ELP4: variants seen among roughly 807,000 people sequenced by gnomAD.
ELP4 encodes elongator complex protein 4.
A neutral mutation model predicts 48.9 loss-of-function variants in ELP4; 51 were observed. The ratio of observed to expected loss-of-function variants is 1.04; its 90% CI spans 0.83 to 1.32. ELP4 has a LOEUF of 1.32. Among genes scored for constraint, ELP4 ranks in the 40% most tolerant of loss-of-function variants. ELP4 has a pLI of 0.00. For missense variants in ELP4, 519 were observed against 514.6 expected, an observed-to-expected ratio of 1.01 and a Z score of -0.08; for synonymous variants, 210 against 189.2, an observed-to-expected ratio of 1.11 and a Z score of -0.90.
chr11:31,516,148 A>G (rs990499757), intron 1 of ELP4, among the ~76,000 whole-genome samples: 2 of 152,066 alleles, frequency 1.3e-5, no homozygotes, highest in East Asian at 3.9e-4. Context: ...TGTCTGTCCC[A>G]GTGGAGGCCT....
chr11:31,584,208 A>C (rs1356435288), intron 3 of ELP4, among the ~76,000 whole-genome samples: 1 of 151,940 alleles, frequency 6.6e-6, no homozygotes, highest in Non-Finnish European at 1.5e-5. Context: ...TATTTATAAT[A>C]TTTTATTAAA....
chr11:31,558,686 T>C (rs1173723464), intron 3 of ELP4, among the ~76,000 whole-genome samples: 3 of 152,182 alleles, frequency 2.0e-5, no homozygotes, highest in Admixed American at 2.0e-4. Flanking sequence ...GCCTACCTTA[T>C]TCCGGAGTTC....
rs185343800 is a variant in ELP4 at position 31,743,379 on chromosome 11, G to C, written c.1144-40014G>C. Among the ~76,000 whole-genome samples, 35 of 152,256 alleles carry C rather than the reference G, an allele frequency of 2.3e-4. 1 individual carries two copies. The highest frequency in any genetic ancestry group is 7.9e-4 in the African/African-American group (33 of 41,536). On this transcript the variant is annotated intron_variant, in intron 9 of 9. Coordinates refer to ENST00000640961, the MANE Select transcript of ELP4 (RefSeq NM_019040.5). ...CAAGGATACCCAGGAATTGAACTCA[G>C]CTCTGCACCAAGTGGACCTAATAGA...
Position 31,785,700 on chromosome 11 carries a change from C to T in ELP4, c.*2176C>T, listed in dbSNP as rs548846660. 1.0e-5 allele frequency: 2 copies of T among 192,654 alleles called. No individual in the cohort carries two copies. The highest frequency in any genetic ancestry group is 8.2e-5 in the East Asian group (1 of 12,156). 11.9% of individuals were successfully genotyped at this position (192,654 alleles called of 1,614,324 possible). A position where few individuals can be genotyped will look rare whatever the true frequency, so the allele number is the denominator to read the frequency against. On this transcript the variant is annotated 3_prime_UTR_variant, in exon 10 of 10. Transcript: ENST00000640961. ...TATTTTTGTCTTCCTCTGATAAAAA[C>T]GCACTCTGAAAATGTGTTTTCCTTT...
chr11:31,771,524 A>G (rs972855806), intron 9 of ELP4, among the ~76,000 whole-genome samples: 3 of 152,194 alleles, frequency 2.0e-5, no homozygotes, highest in Non-Finnish European at 4.4e-5. Flanking sequence ...TACCACGCCA[A>G]ACTTCTCATA....
At chr11:31,706,887 T>A in intron 9 of ELP4, 1 of 395,592 alleles carries the variant, frequency 2.5e-6, no homozygotes, top group Non-Finnish European at 4.5e-6. Flanking sequence ...TCCAGTTCCA[T>A]CCACATTGCT....
intron 9 of ELP4, among the ~76,000 whole-genome samples, chr11:31,705,934 C>T (rs975974178): frequency 2.3e-4 from 35 of 152,066 alleles, no homozygotes; most frequent in East Asian, 3.9e-4. Flanking sequence ...CTCACTGTAA[C>T]CTCAAACTCC....
chr11:31,634,477 A>G (rs1297898200), intron 7 of ELP4, among the ~76,000 whole-genome samples: 2 of 152,042 alleles, frequency 1.3e-5, no homozygotes, highest in East Asian at 3.9e-4. Context: ...GAAAGAAAGA[A>G]AAGGGAAACA....
intron 3 of ELP4, among the ~76,000 whole-genome samples, chr11:31,587,754 T>C (rs1432870378): frequency 1.3e-5 from 2 of 152,140 alleles, no homozygotes; most frequent in Non-Finnish European, 2.9e-5. Flanking sequence ...TACTTAATGT[T>C]ACAATGATTG....
Position 31,632,326 on chromosome 11 carries a change from A to C in ELP4, c.848A>C (p.Lys283Thr), listed in dbSNP as rs775754434. 4 of 1,613,534 alleles carry C rather than the reference A, an allele frequency of 2.5e-6. No individual in the cohort carries two copies. The Admixed American group carries it at 6.7e-5, about 27-fold the overall frequency. Residue 283 changes from lysine to threonine, a missense_variant, in exon 7 of 10, where the codon AAG becomes ACG. Lys to Thr is a moderately conservative substitution (Grantham distance 78, BLOSUM62 -1). Coordinates refer to ENST00000640961, the MANE Select transcript of ELP4 (RefSeq NM_019040.5). ...GGTGGCAACAGTCACAGCCTTACCA[A>C]GTTCCTCTATGTTCTCCGTGGTCTT... ...ENGGNSHSLT[K>T]FLYVLRGLLR...
chr11:31,557,588 G>T (rs748491939), intron 3 of ELP4, among the ~76,000 whole-genome samples: 1 of 152,026 alleles, frequency 6.6e-6, no homozygotes, highest in African/African-American at 2.4e-5. Flanking sequence ...GTCTTTCTGA[G>T]TGAGTAGAAT....
chr11:31,576,532 T>C (rs1007599374), intron 3 of ELP4, among the ~76,000 whole-genome samples: 3 of 152,122 alleles, frequency 2.0e-5, no homozygotes, highest in Non-Finnish European at 2.9e-5. Flanking sequence ...ATTGACCACA[T>C]AGTTGGAAGT....
intron 9 of ELP4, among the ~76,000 whole-genome samples, chr11:31,736,681 C>A (rs1428963524): frequency 2.0e-5 from 3 of 152,208 alleles, no homozygotes; most frequent in Admixed American, 2.0e-4. Context: ...TGAACAGACA[C>A]TTCTCAAAAG....
At chr11:31,563,591 A>G (rs1343493994) in intron 3 of ELP4, among the ~76,000 whole-genome samples, 5 of 152,162 alleles carry the variant, frequency 3.3e-5, no homozygotes, top group Non-Finnish European at 7.4e-5. Context: ...TTCAGATAGG[A>G]TCTTTAAAGG....
At chr11:31,575,025 G>T (rs1180579172) in intron 3 of ELP4, among the ~76,000 whole-genome samples, 1 of 152,148 alleles carries the variant, frequency 6.6e-6, no homozygotes, top group Non-Finnish European at 1.5e-5. Context: ...CCATCACAAA[G>T]AAGCTAAAAA....
At chr11:31,550,747 A>C (rs963371285) in intron 3 of ELP4, among the ~76,000 whole-genome samples, 7 of 152,176 alleles carry the variant, frequency 4.6e-5, no homozygotes, top group African/African-American at 1.7e-4. Context: ...CTCACTGATG[A>C]AGATTTCCCA....
chr11:31,613,456 GTAA>G (rs1445948510), intron 5 of ELP4, among the ~76,000 whole-genome samples: 1 of 152,092 alleles, frequency 6.6e-6, no homozygotes, highest in African/African-American at 2.4e-5. Context: ...GAAATACATA[GTAA>G]TAATAATCCT....
intron 5 of ELP4, among the ~76,000 whole-genome samples, chr11:31,605,334 G>A (rs1374835850): frequency 6.6e-6 from 1 of 152,058 alleles, no homozygotes; most frequent in Non-Finnish European, 1.5e-5. Flanking sequence ...CTAAATTTTT[G>A]TTAAGTTTGA....
chr11:31,733,081 A>G (rs1565131243), intron 9 of ELP4, among the ~76,000 whole-genome samples: 1 of 152,162 alleles, frequency 6.6e-6, no homozygotes, highest in Non-Finnish European at 1.5e-5. Flanking sequence ...CATACAAAAC[A>G]CCATACCCAA....
Sources: allele counts gnomAD v4.1 joint callset (sites outside exome capture counted in the v4.1 genomes callset), GRCh38; gene constraint gnomAD v4.1.1; transcripts MANE v1.5; gene names NCBI Gene and HGNC (gene_info 2026-07-23, HGNC 2026-07-21).